ZMYND11: variants seen among roughly 807,000 people sequenced by gnomAD.
ZMYND11 encodes the protein zinc finger MYND domain-containing protein 11.
Under a neutral mutation model 84.9 loss-of-function variants are expected in ZMYND11, and 9 were observed. The ratio of observed to expected loss-of-function variants is 0.11; its 90% CI spans 0.06 to 0.18. The LOEUF is 0.18. ZMYND11 is among the 10% of genes least tolerant of loss of function. ZMYND11 has a pLI of 1.00. For missense variants in ZMYND11, 409 were observed against 761.0 expected (o/e 0.54, Z 5.44); for synonymous variants, 250 against 244.1 (o/e 1.02, Z -0.23).
chr10:189,348 C>A (rs1330917668), intron 2 of ZMYND11, among the ~76,000 whole-genome samples: 1 of 152,150 alleles, frequency 6.6e-6, no homozygotes, highest in Non-Finnish European at 1.5e-5. Flanking sequence ...GTCTCACTGT[C>A]AATTTCTCTT....
intron 1 of ZMYND11, among the ~76,000 whole-genome samples, chr10:141,388 G>C (rs1447578408): frequency 6.6e-6 from 1 of 152,142 alleles, no homozygotes; most frequent in Non-Finnish European, 1.5e-5. Flanking sequence ...ACTGAAGCAA[G>C]CACAATAAAA....
intron 10 of ZMYND11, 147 bp from the exon 11 acceptor site, chr10:246,619 A>G: frequency 2.9e-6 from 2 of 692,712 alleles, no homozygotes; most frequent in Admixed American, 2.7e-5. Flanking sequence ...GTAACGGCAG[A>G]ACCCACAATT....
At chr10:200,284 TATGTATAAA>T (rs1269543123) in intron 2 of ZMYND11, among the ~76,000 whole-genome samples, 2 of 127,292 alleles carry the variant, frequency 1.6e-5, no homozygotes, top group South Asian at 2.4e-4. Context: ...TAATATATAA[TATGTATAAA>T]ATGTATATTA....
intron 14 of ZMYND11, 46 bp downstream of exon 14, chr10:249,134 C>T (rs1350154719): frequency 2.5e-6 from 4 of 1,612,136 alleles, no homozygotes; most frequent in African/African-American, 1.3e-5. Flanking sequence ...AAATGTACCA[C>T]AGGTATGATG....
At chr10:183,207 C>T (rs1588718173) in intron 2 of ZMYND11, among the ~76,000 whole-genome samples, 1 of 145,762 alleles carries the variant, frequency 6.9e-6, no homozygotes, top group African/African-American at 2.5e-5. Flanking sequence ...CTAGGTTTCT[C>T]TTCTTTTTTG....
chr10:249,061 G>A lies in ZMYND11; in HGVS notation c.1659G>A (p.Leu553=). ...AGCTGGCAACACAGCACAAGCAACT[G>A]ATTTCTCAGACCAAGAAGAAGCAGT... ...IKKLATQHKQ[L]ISQTKKKQWC... The change falls in exon 14 of 15, where the codon CTG becomes CTA. Residue 553 remains leucine (L), a synonymous_variant. Coordinates refer to ENST00000381604, the MANE Select transcript of ZMYND11 (RefSeq NM_001370100.5). The A allele has an allele frequency of 6.2e-7, 1 of 1,614,202 alleles. No individual in the cohort carries two copies. Among genetic ancestry groups the A allele is most frequent in the Non-Finnish European group, 8.5e-7 (1 of 1,180,034 alleles).
chr10:131,734 C>A (rs1169197524), upstream of ZMYND11, among the ~76,000 whole-genome samples: 7 of 151,844 alleles, frequency 4.6e-5, no homozygotes, highest in Non-Finnish European at 1.0e-4. Context: ...CGTTATGTTG[C>A]CCAGGCTGTT....
chr10:246,383 C>T (rs1192710458), intron 10 of ZMYND11, among the ~76,000 whole-genome samples: 2 of 152,044 alleles, frequency 1.3e-5, no homozygotes, highest in East Asian at 3.9e-4. Context: ...TTACAGTATT[C>T]AGAACAACAA....
At chr10:189,220 G>A (rs1939648246) in intron 2 of ZMYND11, among the ~76,000 whole-genome samples, 1 of 152,194 alleles carries the variant, frequency 6.6e-6, no homozygotes, top group South Asian at 2.1e-4. Context: ...AACGCAAACT[G>A]TAAGTCCTCA....
At chr10:172,566 A>T (rs1554765981) in intron 1 of ZMYND11, among the ~76,000 whole-genome samples, 1 of 152,236 alleles carries the variant, frequency 6.6e-6, no homozygotes, top group Admixed American at 6.5e-5. Flanking sequence ...GATGTATATC[A>T]GGAAGACTGC....
intron 1 of ZMYND11, among the ~76,000 whole-genome samples, chr10:173,901 A>G (rs1488185905): frequency 1.3e-5 from 2 of 152,214 alleles, no homozygotes; most frequent in East Asian, 3.8e-4. Context: ...AACACTGACA[A>G]TACCAAATGT....
intron 2 of ZMYND11, among the ~76,000 whole-genome samples, chr10:208,151 A>G (rs944403486): frequency 2.0e-5 from 3 of 152,346 alleles, no homozygotes; most frequent in African/African-American, 7.2e-5. Flanking sequence ...TTAATTCAAG[A>G]TGGATTAAAG....
intron 1 of ZMYND11, among the ~76,000 whole-genome samples, chr10:145,059 A>C (rs1838419484): frequency 6.6e-6 from 1 of 151,232 alleles, no homozygotes; most frequent in Non-Finnish European, 1.5e-5. Context: ...ATTTAGAATA[A>C]TGGCCTCTAG....
chr10:248,149 G>C (rs1952562375), intron 12 of ZMYND11, among the ~76,000 whole-genome samples, 187 bp from the exon 13 acceptor site: 1 of 152,102 alleles, frequency 6.6e-6, no homozygotes. Context: ...CTAATTGGGG[G>C]AGATTTGTTT....
intron 6 of ZMYND11, among the ~76,000 whole-genome samples, chr10:238,215 C>A (rs1389227190): frequency 3.3e-5 from 5 of 152,336 alleles, no homozygotes; most frequent in African/African-American, 1.2e-4. Context: ...TCCAGTAGAA[C>A]ACGTAGACAT....
intron 1 of ZMYND11, among the ~76,000 whole-genome samples, chr10:144,123 A>G (rs1838140360): frequency 6.6e-6 from 1 of 152,226 alleles, no homozygotes; most frequent in Non-Finnish European, 1.5e-5. Flanking sequence ...TAAAAGCTGA[A>G]CAGCCAGCAG....
chr10:171,501 CAGAA>C (rs1445535046), intron 1 of ZMYND11, among the ~76,000 whole-genome samples: 1 of 152,104 alleles, frequency 6.6e-6, no homozygotes, highest in Non-Finnish European at 1.5e-5. Flanking sequence ...AAATTAATAA[CAGAA>C]AGCTGGGAAA....
chr10:191,174 T>C (rs1940281076), intron 2 of ZMYND11, among the ~76,000 whole-genome samples: 1 of 152,198 alleles, frequency 6.6e-6, no homozygotes, highest in Non-Finnish European at 1.5e-5. Context: ...TCACAACAAC[T>C]GTGTGAGTTA....
chr10:239,400 G>A (rs1352140882), intron 6 of ZMYND11, 38 bp from the exon 7 acceptor site: 1 of 1,554,200 alleles, frequency 6.4e-7, no homozygotes, highest in Middle Eastern at 1.7e-4. Flanking sequence ...ATTTTTACTG[G>A]TAACTCTTTT....
Sources: gnomAD v4.1 joint callset for allele counts (sites outside exome capture counted in the v4.1 genomes callset) on GRCh38, gnomAD v4.1.1 for gene constraint, MANE v1.5 for transcripts, NCBI Gene and HGNC (gene_info 2026-07-23, HGNC 2026-07-21) for gene names.